TTC34: variants seen among roughly 807,000 people sequenced by gnomAD.
TTC34 encodes tetratricopeptide repeat domain 34.
TTC34 carries 44 observed loss-of-function variants against 40.7 expected under a neutral mutation model. That is an observed-to-expected ratio of 1.08 (90% CI 0.85 to 1.39). The LOEUF (loss-of-function observed/expected upper bound fraction) is 1.39. TTC34 is among the 40% of genes most tolerant of loss of function. The pLI is 0.00. For missense variants in TTC34, 884 were observed against 838.0 expected, an observed-to-expected ratio of 1.05 and a Z score of -0.68; for synonymous variants, 422 against 398.6, an observed-to-expected ratio of 1.06 and a Z score of -0.70.
At chr1:2,653,605 T>A (rs6604990) in intron 6 of TTC34, among the ~76,000 whole-genome samples, 1 of 128,230 alleles carries the variant, frequency 7.8e-6, no homozygotes, top group African/African-American at 3.0e-5. Context: ...AGCAGCACCC[T>A]ACACCCACAA....
At chr1:2,688,142 C>G (rs1162302578) in intron 6 of TTC34, among the ~76,000 whole-genome samples, 3 of 149,548 alleles carry the variant, frequency 2.0e-5, no homozygotes, top group African/African-American at 4.9e-5. Flanking sequence ...AGGCGAGCAT[C>G]TGACGGCCTG....
At chr1:2,649,559 G>T (rs1223587950) in intron 6 of TTC34, among the ~76,000 whole-genome samples, 1 of 151,898 alleles carries the variant, frequency 6.6e-6, no homozygotes, top group African/African-American at 2.4e-5. Context: ...GTTTTATTTT[G>T]AGATGGAGTC....
intron 6 of TTC34, among the ~76,000 whole-genome samples, chr1:2,752,513 C>T (rs1641356619): frequency 5.6e-5 from 8 of 141,796 alleles, no homozygotes; most frequent in African/African-American, 8.1e-5. Flanking sequence ...CATCTGACAG[C>T]CTGGAGCAGC....
At chr1:2,654,775 CG>C (rs1414471854) in intron 6 of TTC34, among the ~76,000 whole-genome samples, 127 of 121,544 alleles carry the variant, frequency 1.0e-3, no homozygotes, top group Admixed American at 2.2e-3. Context: ...AACCACACCC[CG>C]GGGCGAGCAT....
At chr1:2,755,561 A>AGCAGC (rs1641475803) in intron 6 of TTC34, among the ~76,000 whole-genome samples, 1 of 35,356 alleles carries the variant, frequency 2.8e-5, no homozygotes, top group Non-Finnish European at 5.2e-5. Flanking sequence ...GAGCATCTGA[A>AGCAGC]ACCACGGAGC....
chr1:2,753,048 C>A (rs1641377287), intron 6 of TTC34, among the ~76,000 whole-genome samples: 5 of 151,096 alleles, frequency 3.3e-5, no homozygotes, highest in East Asian at 2.0e-4. Context: ...TGGAGCAGCA[C>A]CCACACCCCC....
intron 6 of TTC34, among the ~76,000 whole-genome samples, chr1:2,651,571 T>A (rs973052864): frequency 6.6e-6 from 1 of 151,316 alleles, no homozygotes; most frequent in Non-Finnish European, 1.5e-5. Flanking sequence ...CAGCTGAGTG[T>A]CTGAGAGCCT....
intron 6 of TTC34, among the ~76,000 whole-genome samples, chr1:2,682,037 C>G (rs1410073863): frequency 1.1e-5 from 1 of 92,658 alleles, no homozygotes. Context: ...CACAGGTGAG[C>G]ATCTGACATT....
intron 6 of TTC34, among the ~76,000 whole-genome samples, chr1:2,665,874 T>G (rs1370820116): frequency 6.8e-3 from 95 of 13,884 alleles, no homozygotes; most frequent in Admixed American, 0.01. Flanking sequence ...TGACAGCCCG[T>G]AGCAGCACCC....
intron 6 of TTC34, among the ~76,000 whole-genome samples, chr1:2,749,689 A>T (rs1166621830): frequency 1.2e-5 from 1 of 82,716 alleles, no homozygotes. Context: ...CTGCACACCC[A>T]GGTGAGCATC....
At position 2,787,822 on chromosome 1, in the gene TTC34, C is replaced by T. The variant is rs541717824; in HGVS notation, c.1629-116G>A. On this transcript the variant is annotated intron_variant, in intron 3 of 8. Transcript: ENST00000401095. Reference sequence around the variant, plus strand: ...TGTACCTGGCCTGGGCAGCTCCCTCCGGAGGGACCCTCACGCCACACCATC... The same window carrying T: ...TGTACCTGGCCTGGGCAGCTCCCTCTGGAGGGACCCTCACGCCACACCATC... 2.8e-4 allele frequency: 232 copies of T among 834,344 alleles called. 2 individuals are homozygous for T. The highest frequency in any genetic ancestry group is 9.3e-4 in the East Asian group (33 of 35,656). The allele number at this position is 834,344 out of a possible 1,614,324, so 51.7% of individuals were successfully genotyped here. A position where few individuals can be genotyped will look rare whatever the true frequency, so the allele number is the denominator to read the frequency against.
rs955798047 is a variant in TTC34, at chr1:2,789,442, C to A, written c.1628+61G>T. ...GTAAAATAGGAGGAAACACATCCGT[C>A]GCTACCTCGAAGGAGACCCGCAGGA... On this transcript the variant is annotated intron_variant, in intron 3 of 8. Coordinates refer to ENST00000401095, the Ensembl canonical transcript of TTC34. The A allele has an allele frequency of 2.1e-6, 3 of 1,437,752 alleles. No individual in the cohort carries two copies. In the African/African-American group the frequency reaches 4.4e-5, roughly 21 times the overall value. 89.1% of individuals were successfully genotyped at this position (1,437,752 alleles called of 1,614,324 possible).
chr1:2,755,565 A>T (rs1434141443), intron 6 of TTC34, among the ~76,000 whole-genome samples: 1 of 19,844 alleles, frequency 5.0e-5, no homozygotes, highest in Non-Finnish European at 9.8e-5. Flanking sequence ...ATCTGAAACC[A>T]CGGAGCAGCA....
chr1:2,691,223 C>T (rs1316163096), intron 6 of TTC34, among the ~76,000 whole-genome samples: 2 of 75,214 alleles, frequency 2.7e-5, no homozygotes, highest in Middle Eastern at 8.5e-3. Flanking sequence ...CACCCACACG[C>T]CCAGGTGAGC....
At chr1:2,684,561 A>T (rs1640232002) in intron 6 of TTC34, among the ~76,000 whole-genome samples, 1 of 141,064 alleles carries the variant, frequency 7.1e-6, no homozygotes, top group Non-Finnish European at 1.5e-5. Context: ...CCACAACCCC[A>T]GGTGAGCATC....
chr1:2,755,545 A>G (rs1215472878), intron 6 of TTC34, among the ~76,000 whole-genome samples: 1 of 38,984 alleles, frequency 2.6e-5, no homozygotes, highest in Non-Finnish European at 4.5e-5. Context: ...ACCCACACCC[A>G]CAGGCGAGCA....
chr1:2,683,784 G>A (rs1640192025), intron 6 of TTC34, among the ~76,000 whole-genome samples: 1 of 149,428 alleles, frequency 6.7e-6, no homozygotes, highest in African/African-American at 2.5e-5. Context: ...GGCTGGAGCA[G>A]CACGCACACC....
chr1:2,651,590 A>G (rs1557583704), intron 6 of TTC34, among the ~76,000 whole-genome samples: 1 of 150,438 alleles, frequency 6.6e-6, no homozygotes, highest in Non-Finnish European at 1.5e-5. Context: ...CTGGAACAGC[A>G]CCCCACACCC....
intron 6 of TTC34, among the ~76,000 whole-genome samples, chr1:2,698,743 C>T (rs577239131): frequency 0.051 from 1,309 of 25,670 alleles, 5 homozygotes; most frequent in Non-Finnish European, 0.074. Flanking sequence ...GGCTTGCATC[C>T]GACAGCCTGG....
Sources: allele counts gnomAD v4.1 joint callset (sites outside exome capture counted in the v4.1 genomes callset), GRCh38; gene constraint gnomAD v4.1.1; transcripts MANE v1.5; gene names NCBI Gene and HGNC (gene_info 2026-07-23, HGNC 2026-07-21).